TMEM132E: variants seen among roughly 807,000 people sequenced by gnomAD.
TMEM132E encodes transmembrane protein 132E.
Under a neutral mutation model 78.5 loss-of-function variants are expected in TMEM132E, and 49 were observed. The ratio of observed to expected loss-of-function variants is 0.62; its 90% confidence interval spans 0.50 to 0.79. The LOEUF (loss-of-function observed/expected upper bound fraction) is 0.79, where lower values mean the gene tolerates loss of function less well. Ranked by LOEUF, TMEM132E falls within the 30% of genes least tolerant of loss-of-function variation. The probability of loss-of-function intolerance (pLI) is 0.00; values close to 1 mark genes in which losing one functional copy is unlikely to be tolerated. For missense variants in TMEM132E, 1,403 were observed against 1,470.9 expected (o/e 0.95, Z 0.75); for synonymous variants, 715 against 670.6 (o/e 1.07, Z -1.02).
intron 1 of TMEM132E, among the ~76,000 whole-genome samples, chr17:34,584,127 G>T (rs1905585473): frequency 6.6e-6 from 1 of 152,220 alleles, no homozygotes; most frequent in African/African-American, 2.4e-5. Flanking sequence ...AGGATCAAGG[G>T]CACACTCATT....
rs761061276 is a variant in TMEM132E, at chr17:34,636,121, C to T, written c.2092C>T (p.Leu698=). 4 of 1,593,780 alleles carry T rather than the reference C, an allele frequency of 2.5e-6. No individual in the cohort carries two copies. The South Asian group carries it at 4.5e-5, about 18-fold the overall frequency. ...GGTGGTGGCCAGCCTGGCCCTCTCC[C>T]TGCGGCCCAGCCCTGGGAGCAGCCA... The part of the protein sequence containing the change: ...AQVVASLALS[L]RPSPGSSHTI... Residue 698 remains leucine, a synonymous_variant, in exon 8 of 9, where the codon CTG becomes TTG. Coordinates refer to ENST00000631683, the MANE Select transcript of TMEM132E (RefSeq NM_001304438.2).
rs1239359643 is a variant in TMEM132E at position 34,637,633 on chromosome 17, G to A, written c.2626G>A (p.Gly876Ser). ...AGAAGACTTCCTGCCGCTGCCCACC[G>A]GCTTCCTGCAGGTGCCACGGGGTCT... is the stretch of plus-strand genomic sequence containing the variant. ...PTEDFLPLPT[G>S]FLQVPRGLTD... is the part of the protein sequence containing the mutation. The change falls in exon 9 of 9, where the codon GGC (glycine) becomes AGC (serine). Residue 876 changes from glycine to serine, a missense_variant. By Grantham distance (56) the Gly-to-Ser change is moderately conservative. Transcript: ENST00000631683. 1.2e-6 allele frequency: 2 copies of A among 1,605,404 alleles called. No homozygotes were observed. Among genetic ancestry groups the A allele is most frequent in the Non-Finnish European group, 1.7e-6 (2 of 1,178,714 alleles).
intron 1 of TMEM132E, among the ~76,000 whole-genome samples, chr17:34,607,222 T>C (rs1316767434): frequency 6.6e-6 from 1 of 152,196 alleles, no homozygotes; most frequent in Non-Finnish European, 1.5e-5. Flanking sequence ...AGGGAGAACT[T>C]ACTATGTAAA....
At position 34,637,228 on chromosome 17, in the gene TMEM132E, C is replaced by T. The variant is rs1907550684; in HGVS notation, c.2221C>T (p.Leu741Phe). The stretch of plus-strand genomic sequence containing the variant: ...CTACAGTGATGGCACCACAGCCCCA[C>T]TCTCCCTCTACAGCCCACGAGACTA... ...LSYSDGTTAP[L>F]SLYSPRDYGL... is the part of the protein sequence containing the mutation. Residue 741 changes from leucine to phenylalanine, a missense_variant, in exon 9 of 9, where the codon CTC becomes TTC. Leu to Phe is a conservative substitution (Grantham distance 22). Coordinates refer to ENST00000631683, the MANE Select transcript of TMEM132E (RefSeq NM_001304438.2). 6.2e-7 allele frequency: 1 copy of T among 1,612,824 alleles called. No individual in the cohort carries two copies. The highest frequency in any genetic ancestry group is 2.2e-5 in the East Asian group (1 of 44,868).
intron 1 of TMEM132E, among the ~76,000 whole-genome samples, chr17:34,612,328 T>A (rs143058958): frequency 1.4e-3 from 211 of 152,246 alleles, no homozygotes; most frequent in African/African-American, 4.9e-3. Context: ...GAAAGCAGGC[T>A]CCTCCTCCAG....
At chr17:34,602,430 C>T (rs1273662857) in intron 1 of TMEM132E, among the ~76,000 whole-genome samples, 2 of 152,228 alleles carry the variant, frequency 1.3e-5, no homozygotes, top group African/African-American at 4.8e-5. Flanking sequence ...AGGAAGGCTG[C>T]AGTAGGCCCC....
chr17:34,614,164 G>A (rs972567787), intron 1 of TMEM132E, among the ~76,000 whole-genome samples: 5 of 152,178 alleles, frequency 3.3e-5, no homozygotes, highest in African/African-American at 7.2e-5. Context: ...CCAGGCAGCC[G>A]GGTGGTAGGG....
rs1392055626 is a variant in TMEM132E, at chr17:34,639,277, C to G, written c.*1045C>G. On this transcript the variant is annotated 3_prime_UTR_variant, in exon 9 of 9. Coordinates refer to ENST00000631683, the MANE Select transcript of TMEM132E (RefSeq NM_001304438.2). ...TTTTTCTTAAATAAATGGAAGCGGT[C>G]AGACTGGAGGTGGGGGCAGCAGCTC... 1 of 152,618 alleles carries G rather than the reference C, an allele frequency of 6.6e-6. No homozygotes were observed. Among genetic ancestry groups the G allele is most frequent in the Non-Finnish European group, 1.5e-5 (1 of 68,076 alleles). 9.5% of individuals were successfully genotyped at this position (152,618 alleles called of 1,614,324 possible).
chr17:34,637,076 C>A, intron 8 of TMEM132E, 101 bp from the exon 9 acceptor site: 1 of 1,031,996 alleles, frequency 9.7e-7, no homozygotes, highest in Non-Finnish European at 1.4e-6. Context: ...AGCAGGGAGC[C>A]AGAGACCCGT....
rs1199421494 is a variant in TMEM132E, at chr17:34,581,142, C to T, written c.66C>T (p.His22=). The T allele has an allele frequency of 6.6e-7, 1 of 1,515,078 alleles. No homozygotes were observed. The highest frequency in any genetic ancestry group is 2.1e-5 in the Admixed American group (1 of 48,118). The allele number at this position is 1,515,078 out of a possible 1,614,324, so 93.9% of individuals were successfully genotyped here. A position where few individuals can be genotyped will look rare whatever the true frequency, so the allele number is the denominator to read the frequency against. The part of the protein sequence containing the change: ...ALLCLSALLA[H]ASGRSHPASP... ...TCTGCCTCTCAGCGCTACTCGCCCA[C>T]GGTAAGTGTCGCGGCGCGGACTGGG... is the stretch of plus-strand genomic sequence containing the variant. Residue 22 remains histidine, a splice_region_variant and synonymous_variant, in exon 1 of 9, where the codon CAC becomes CAT. Transcript: ENST00000631683.
At chr17:34,610,692 G>T (rs919339182) in intron 1 of TMEM132E, among the ~76,000 whole-genome samples, 4 of 152,216 alleles carry the variant, frequency 2.6e-5, no homozygotes, top group Non-Finnish European at 5.9e-5. Flanking sequence ...TCAAATAACA[G>T]TGAAATCACA....
intron 2 of TMEM132E, among the ~76,000 whole-genome samples, chr17:34,627,386 C>G (rs1380646863): frequency 1.3e-5 from 2 of 151,592 alleles, no homozygotes; most frequent in Non-Finnish European, 2.9e-5. Context: ...GGCCCTTAGA[C>G]ATTTTACAGA....
intron 1 of TMEM132E, among the ~76,000 whole-genome samples, chr17:34,607,549 C>T (rs1463274976): frequency 6.6e-6 from 1 of 152,182 alleles, no homozygotes; most frequent in Non-Finnish European, 1.5e-5. Context: ...CAATTTAGTT[C>T]TGATATTAAC....
chr17:34,637,224 C>T lies in TMEM132E; in HGVS notation c.2217C>T (p.Ala739=), dbSNP rs1012598385. 9 of 1,612,480 alleles carry T rather than the reference C, an allele frequency of 5.6e-6. No individual in the cohort carries two copies. In the East Asian group the frequency reaches 1.3e-4, roughly 24 times the overall value. ...TCTCCTACAGTGATGGCACCACAGC[C>T]CCACTCTCCCTCTACAGCCCACGAG... ...LWLSYSDGTT[A]PLSLYSPRDY... Residue 739 remains alanine, a synonymous_variant, in exon 9 of 9, where the codon GCC becomes GCT. Transcript: ENST00000631683.
chr17:34,603,942 T>C (rs945914773), intron 1 of TMEM132E, among the ~76,000 whole-genome samples: 3 of 152,008 alleles, frequency 2.0e-5, no homozygotes, highest in African/African-American at 7.2e-5. Context: ...CCTCACTCAA[T>C]GGAGCCACCC....
chr17:34,628,527 G>A (rs747155816), intron 2 of TMEM132E, 36 bp from the exon 3 acceptor site: 9 of 1,611,576 alleles, frequency 5.6e-6, no homozygotes, highest in Non-Finnish European at 6.8e-6. Flanking sequence ...GCTGTAGCCT[G>A]ACCCTCTCCC....
chr17:34,632,756 C>A lies in TMEM132E; in HGVS notation c.1535C>A (p.Ser512Tyr), dbSNP rs774521307. ...GTGAGTGGAAAAGAGTCTCGAGGGT[C>A]CATGAACGCCAGGGTCACCTTCCGC... is the stretch of plus-strand genomic sequence containing the variant. The part of the protein sequence containing the change: ...VFVSGKESRG[S>Y]MNARVTFRYD... Residue 512 changes from serine to tyrosine, a missense_variant, in exon 6 of 9, where the codon TCC becomes TAC. This residue lies in a region of TMEM132E where 888 missense variants were observed against 952.8 expected (regional missense o/e 0.93). Transcript: ENST00000631683. 3 of 1,614,206 alleles carry A rather than the reference C, an allele frequency of 1.9e-6. No individual in the cohort carries two copies. In the East Asian group the frequency reaches 6.7e-5, roughly 36 times the overall value.
At chr17:34,621,732 C>G (rs1445908947) in intron 1 of TMEM132E, among the ~76,000 whole-genome samples, 1 of 152,114 alleles carries the variant, frequency 6.6e-6, no homozygotes, top group Non-Finnish European at 1.5e-5. Flanking sequence ...GCCTGGGGGC[C>G]CAGTGGAGCC....
At chr17:34,585,046 G>T (rs890491795) in intron 1 of TMEM132E, among the ~76,000 whole-genome samples, 1 of 152,314 alleles carries the variant, frequency 6.6e-6, no homozygotes, top group Admixed American at 6.5e-5. Flanking sequence ...CAGCCCTTGG[G>T]AGACCCCTTT....
Sources: allele counts gnomAD v4.1 joint callset (sites outside exome capture counted in the v4.1 genomes callset), GRCh38; gene constraint gnomAD v4.1.1; regional missense constraint gnomAD v4.1.1; transcripts MANE v1.5; gene names NCBI Gene and HGNC (gene_info 2026-07-23, HGNC 2026-07-21).